Variants in RBBP5 observed in about 807,000 individuals in gnomAD.
RBBP5 encodes RB binding protein 5, histone lysine methyltransferase complex subunit.
RBBP5 carries 5 observed loss-of-function variants against 72.2 expected under a neutral mutation model. The ratio of observed to expected loss-of-function variants is 0.07; its 90% CI spans 0.04 to 0.15. The LOEUF is 0.15. RBBP5 is among the 10% of genes least tolerant of loss of function. The pLI is 1.00. For missense variants in RBBP5, 322 were observed against 652.2 expected, an observed-to-expected ratio of 0.49 and a Z score of 5.51; for synonymous variants, 209 against 237.2, an observed-to-expected ratio of 0.88 and a Z score of 1.09.
At chr1:205,110,942 T>C (rs1374973708) in intron 3 of RBBP5, among the ~76,000 whole-genome samples, 1 of 151,994 alleles carries the variant, frequency 6.6e-6, no homozygotes, top group East Asian at 1.9e-4. Context: ...CCTGCTTCTG[T>C]AATCCCAGCT....
At chr1:205,120,132 ACCT>A (rs1201304871) in intron 1 of RBBP5, among the ~76,000 whole-genome samples, 1 of 151,722 alleles carries the variant, frequency 6.6e-6, no homozygotes, top group East Asian at 1.9e-4. Context: ...TGTCATCCCT[ACCT>A]CCTCAATGTC....
intron 6 of RBBP5, among the ~76,000 whole-genome samples, chr1:205,100,671 G>GA (rs113463994): frequency 0.023 from 3,450 of 152,222 alleles, 97 homozygotes; most frequent in African/African-American, 0.069. Context: ...TAATGACATT[G>GA]AAAATCTTAG....
At chr1:205,102,298 A>T (rs1436525426) in intron 5 of RBBP5, among the ~76,000 whole-genome samples, 5 of 152,232 alleles carry the variant, frequency 3.3e-5, no homozygotes, top group Non-Finnish European at 7.3e-5. Context: ...AGTGGTATAA[A>T]CATAAAATGG....
Position 205,100,160 on chromosome 1 carries a change from C to T in RBBP5, c.744G>A (p.Leu248=), listed in dbSNP as rs762094019. The T allele has an allele frequency of 1.3e-5, 21 of 1,614,170 alleles. No individual in the cohort carries two copies. Among genetic ancestry groups the T allele is most frequent in the Non-Finnish European group, 1.8e-5 (21 of 1,180,030 alleles). Residue 248 remains leucine (L), a synonymous_variant, in exon 7 of 14, where the codon TTG becomes TTA. Transcript: ENST00000264515. ...TAGGTTGTGATACATACCTATTCAC[C>T]AAATCCTGCAATTTCTGCATAGGTT... ...EPEPMQKLQD[L]VNRTPWKKCC...
chr1:205,094,977 T>C lies in RBBP5; in HGVS notation c.1484A>G (p.Lys495Arg). 1.2e-6 allele frequency: 2 copies of C among 1,614,150 alleles called. No homozygotes were observed. The change falls in exon 13 of 14, where the codon AAA becomes AGA. Residue 495 changes from lysine to arginine, a missense_variant. Physicochemically the swap from Lys to Arg is conservative, Grantham distance 26. This residue lies in a region of RBBP5 where 109 missense variants were observed against 146.3 expected (regional missense o/e 0.75). Transcript: ENST00000264515. ...GRPKGSKGKE[K>R]DSPFKPKLYK... ...GAGTTTCGGTTTAAATGGAGAATCTTTCTCTTTACCTTTTGATCCTTTAGG... is the reference window on the plus strand; with the variant it reads ...GAGTTTCGGTTTAAATGGAGAATCTCTCTCTTTACCTTTTGATCCTTTAGG...
chr1:205,107,411 G>A (rs1656116603), intron 3 of RBBP5, among the ~76,000 whole-genome samples: 1 of 152,052 alleles, frequency 6.6e-6, no homozygotes, highest in Non-Finnish European at 1.5e-5. Flanking sequence ...ACAACAATAT[G>A]AATGAAAAGG....
At chr1:205,110,072 G>A (rs991351670) in intron 3 of RBBP5, among the ~76,000 whole-genome samples, 4 of 151,368 alleles carry the variant, frequency 2.6e-5, no homozygotes, top group South Asian at 4.2e-4. Context: ...GTCTCGCTCT[G>A]TCGCCCAGGC....
chr1:205,105,730 A>C (rs1360350700), intron 3 of RBBP5, among the ~76,000 whole-genome samples: 1 of 152,220 alleles, frequency 6.6e-6, no homozygotes, highest in Non-Finnish European at 1.5e-5. Flanking sequence ...GAAATCCCTG[A>C]ATTTTCTGCC....
At chr1:205,093,930 C>T (rs1655514217) in intron 13 of RBBP5, among the ~76,000 whole-genome samples, 2 of 152,060 alleles carry the variant, frequency 1.3e-5, no homozygotes, top group South Asian at 4.1e-4. Context: ...TCAATCCTAC[C>T]TTTGAGTCTA....
At chr1:205,097,893 C>G (rs915078973) in intron 10 of RBBP5, among the ~76,000 whole-genome samples, 1 of 152,000 alleles carries the variant, frequency 6.6e-6, no homozygotes, top group African/African-American at 2.4e-5. Context: ...TGATTCCTGG[C>G]ACCATCAAGT....
intron 4 of RBBP5, 131 bp from the exon 5 acceptor site, chr1:205,104,150 A>C (rs2102295044): frequency 1.1e-6 from 1 of 946,842 alleles, no homozygotes. Context: ...ACAGTGAAAA[A>C]GCATAAAATC....
In RBBP5 at chr1:205,095,107, G is replaced by C. The variant is rs372819098; in HGVS notation, c.1397-43C>G. 1.9e-6 allele frequency: 3 copies of C among 1,578,436 alleles called. No individual in the cohort carries two copies. The African/African-American group carries it at 4.1e-5, about 21-fold the overall frequency. ...ATGGAAAGGAATCCACATGACACCA[G>C]TCTCATCACCCCAACCACAACTTTG... On this transcript the variant is annotated intron_variant, in intron 12 of 13. Transcript: ENST00000264515.
intron 3 of RBBP5, among the ~76,000 whole-genome samples, chr1:205,107,095 C>CAG (rs1476600085): frequency 1.3e-5 from 2 of 151,214 alleles, no homozygotes; most frequent in African/African-American, 2.4e-5. Context: ...TATACACACA[C>CAG]ACACACATAT....
chr1:205,098,417 C>T (rs1253871876), intron 10 of RBBP5, among the ~76,000 whole-genome samples: 1 of 152,164 alleles, frequency 6.6e-6, no homozygotes, highest in Non-Finnish European at 1.5e-5. Context: ...TCAGGAAATA[C>T]ACAATGATAT....
intron 1 of RBBP5, among the ~76,000 whole-genome samples, chr1:205,120,612 T>C (rs549552786): frequency 3.3e-5 from 5 of 152,122 alleles, no homozygotes; most frequent in Admixed American, 3.3e-4. Flanking sequence ...TGAAACCCCA[T>C]CTCTGCTAAA....
intron 3 of RBBP5, among the ~76,000 whole-genome samples, chr1:205,110,840 G>C (rs1208290562): frequency 3.3e-5 from 5 of 152,202 alleles, no homozygotes; most frequent in African/African-American, 1.2e-4. Flanking sequence ...AAGGCAGGCA[G>C]ATCACCTGAG....
chr1:205,104,996 C>A (rs550723897), intron 4 of RBBP5, 32 bp downstream of exon 4: 4 of 1,608,212 alleles, frequency 2.5e-6, no homozygotes, highest in South Asian at 1.1e-5. Flanking sequence ...AGAATTAGAC[C>A]CCACCCCAGG....
intron 3 of RBBP5, among the ~76,000 whole-genome samples, chr1:205,112,213 G>C (rs1361119383): frequency 2.0e-5 from 3 of 152,050 alleles, no homozygotes; most frequent in Non-Finnish European, 4.4e-5. Flanking sequence ...AGCTACTCAG[G>C]AGGTTGAGGC....
intron 3 of RBBP5, among the ~76,000 whole-genome samples, chr1:205,111,213 A>G (rs1007533962): frequency 2.0e-5 from 3 of 152,232 alleles, no homozygotes; most frequent in Non-Finnish European, 4.4e-5. Flanking sequence ...GTCTACTGTA[A>G]TGAGAACTCA....
Sources: gnomAD v4.1 joint callset for allele counts (sites outside exome capture counted in the v4.1 genomes callset) on GRCh38, gnomAD v4.1.1 for gene constraint, gnomAD v4.1.1 regional missense constraint, MANE v1.5 for transcripts, NCBI Gene and HGNC (gene_info 2026-07-23, HGNC 2026-07-21) for gene names.